ELOVL7: variants seen among roughly 807,000 people sequenced by gnomAD.
The protein encoded by ELOVL7 is very long chain fatty acid elongase 7.
ELOVL7 carries 27 observed loss-of-function variants against 35.7 expected under a neutral mutation model. That is an observed-to-expected ratio of 0.76 (90% confidence interval 0.56 to 1.04). The LOEUF (loss-of-function observed/expected upper bound fraction) is 1.04. ELOVL7 is among the 50% of genes least tolerant of loss of function. The pLI is 0.00. For missense variants in ELOVL7, 327 were observed against 340.8 expected (o/e 0.96, Z 0.32); for synonymous variants, 113 against 114.6 (o/e 0.99, Z 0.09).
At chr5:60,795,190 A>C (rs930741382) in intron 2 of ELOVL7, among the ~76,000 whole-genome samples, 6 of 152,146 alleles carry the variant, frequency 3.9e-5, no homozygotes, top group African/African-American at 1.4e-4. Context: ...GGGCAGTGGG[A>C]TCACAGCCCA....
At chr5:60,760,046 C>T (rs1741802181) in intron 7 of ELOVL7, among the ~76,000 whole-genome samples, 1 of 152,184 alleles carries the variant, frequency 6.6e-6, no homozygotes, top group African/African-American at 2.4e-5. Flanking sequence ...CATTGTTGGA[C>T]ATTTGGGTTG....
chr5:60,754,448 C>A lies in ELOVL7; in HGVS notation c.*176G>T. On this transcript the variant is annotated 3_prime_UTR_variant, in exon 9 of 9. Coordinates refer to ENST00000508821, the MANE Select transcript of ELOVL7 (RefSeq NM_024930.3). The stretch of plus-strand genomic sequence containing the variant: ...TCTGGCTGCTGTAGGCTCTAATTAT[C>A]AGAAGACTGTTATCTGGAAGCTTCG... The A allele has an allele frequency of 1.6e-6, 1 of 609,324 alleles. No homozygotes were observed. The highest frequency in any genetic ancestry group is 2.3e-5 in the South Asian group (1 of 44,020). 37.7% of individuals were successfully genotyped at this position (609,324 alleles called of 1,614,324 possible). A position where few individuals can be genotyped will look rare whatever the true frequency, so the allele number is the denominator to read the frequency against.
In ELOVL7 at chr5:60,842,887, C is replaced by T. The variant is rs148107740; in HGVS notation, c.-86+1273G>A. Among the ~76,000 whole-genome samples the T allele has an allele frequency of 7.4e-4, 106 of 143,054 alleles. 3 individuals are homozygous for T. The East Asian group carries it at 0.023, about 31-fold the overall frequency. 93.8% of individuals were successfully genotyped at this position (143,054 alleles called of 152,430 possible). On this transcript the variant is annotated intron_variant, in intron 1 of 8. Coordinates refer to ENST00000508821, the MANE Select transcript of ELOVL7 (RefSeq NM_024930.3). ...GACATCAGTGCCTGGCACCTAAGCA[C>T]TGATAAATGTCTGCCACGGGGTGAG...
At chr5:60,816,529 A>T (rs889232766) in intron 1 of ELOVL7, among the ~76,000 whole-genome samples, 1 of 152,230 alleles carries the variant, frequency 6.6e-6, no homozygotes, top group East Asian at 1.9e-4. Flanking sequence ...ATACCCCACC[A>T]CAACCCACAA....
At position 60,771,877 on chromosome 5, in the gene ELOVL7, C is replaced by G. The variant is rs182913510; in HGVS notation, c.255+26G>C. ...ACAGAAAAACTCAGGCAAAATTCTC[C>G]CATTAGGAATACTGAAGACACTTGC... On this transcript the variant is annotated intron_variant, in intron 4 of 8. Coordinates refer to ENST00000508821, the MANE Select transcript of ELOVL7 (RefSeq NM_024930.3). The G allele has an allele frequency of 6.5e-5, 98 of 1,498,700 alleles. 1 individual carries two copies. Among genetic ancestry groups the G allele is most frequent in the Non-Finnish European group, 8.7e-5 (96 of 1,104,924 alleles). 92.8% of individuals were successfully genotyped at this position (1,498,700 alleles called of 1,614,324 possible). A position where few individuals can be genotyped will look rare whatever the true frequency, so the allele number is the denominator to read the frequency against.
At chr5:60,786,864 CCAGGGAGGCGGAGGTTG>C (rs556212854) in intron 3 of ELOVL7, among the ~76,000 whole-genome samples, 23 of 151,614 alleles carry the variant, frequency 1.5e-4, no homozygotes, top group South Asian at 6.3e-4. Context: ...ATGGCGTGAA[CCAGGGAGGCGGAGGTTG>C]CAGGGAGGCG....
intron 1 of ELOVL7, among the ~76,000 whole-genome samples, chr5:60,814,051 C>G (rs1561462132): frequency 1.3e-5 from 2 of 152,154 alleles, no homozygotes; most frequent in African/African-American, 4.8e-5. Context: ...AAGGTGGCAA[C>G]AAGAACGAAC....
At chr5:60,788,578 C>T (rs1468565193) in intron 2 of ELOVL7, among the ~76,000 whole-genome samples, 3 of 152,050 alleles carry the variant, frequency 2.0e-5, no homozygotes, top group Non-Finnish European at 4.4e-5. Flanking sequence ...AGTTGGAGAC[C>T]AGCCTGACCA....
intron 3 of ELOVL7, among the ~76,000 whole-genome samples, chr5:60,781,432 T>C (rs1743248322): frequency 6.6e-6 from 1 of 152,080 alleles, no homozygotes; most frequent in Admixed American, 6.5e-5. Flanking sequence ...ATATATTTTA[T>C]TTTATTCTTT....
chr5:60,768,102 C>CAT (rs1579786951), intron 4 of ELOVL7, among the ~76,000 whole-genome samples, 199 bp from the exon 5 acceptor site: 1 of 152,288 alleles, frequency 6.6e-6, no homozygotes, highest in East Asian at 1.9e-4. Context: ...ACCACAAACT[C>CAT]ATATATTATT....
intron 7 of ELOVL7, among the ~76,000 whole-genome samples, chr5:60,762,991 A>G (rs1742017797): frequency 6.6e-6 from 1 of 152,240 alleles, no homozygotes; most frequent in Admixed American, 6.5e-5. Flanking sequence ...GGAAATAGAA[A>G]CACAGAAAGT....
At chr5:60,825,888 A>G (rs767897274) in intron 1 of ELOVL7, among the ~76,000 whole-genome samples, 1 of 152,256 alleles carries the variant, frequency 6.6e-6, no homozygotes, top group Non-Finnish European at 1.5e-5. Flanking sequence ...GGGAATCCAT[A>G]GCCTTAAATA....
At chr5:60,835,936 T>C (rs896380713) in intron 1 of ELOVL7, among the ~76,000 whole-genome samples, 2 of 151,914 alleles carry the variant, frequency 1.3e-5, no homozygotes, top group African/African-American at 4.8e-5. Context: ...AACCCAGCAG[T>C]TGGAGAAGGA....
At chr5:60,814,970 T>TAG (rs1468004863) in intron 1 of ELOVL7, among the ~76,000 whole-genome samples, 6 of 152,198 alleles carry the variant, frequency 3.9e-5, no homozygotes, top group African/African-American at 1.4e-4. Context: ...TCACATGAAC[T>TAG]ACATTGCAGC....
At chr5:60,826,964 A>G (rs1213446740) in intron 1 of ELOVL7, among the ~76,000 whole-genome samples, 1 of 152,188 alleles carries the variant, frequency 6.6e-6, no homozygotes, top group Admixed American at 6.5e-5. Flanking sequence ...GACTAAAATG[A>G]TTGTTATTAA....
intron 1 of ELOVL7, among the ~76,000 whole-genome samples, chr5:60,810,545 T>C (rs1745184136): frequency 6.6e-6 from 1 of 152,212 alleles, no homozygotes; most frequent in African/African-American, 2.4e-5. Flanking sequence ...AATCAATTAC[T>C]AAATTATACA....
At chr5:60,764,572 C>T (rs1453250161) in intron 6 of ELOVL7, among the ~76,000 whole-genome samples, 1 of 151,870 alleles carries the variant, frequency 6.6e-6, no homozygotes, top group Non-Finnish European at 1.5e-5. Context: ...CAAAAAGAAA[C>T]TTTATGTAGA....
At chr5:60,837,911 G>A (rs930201014) in intron 1 of ELOVL7, among the ~76,000 whole-genome samples, 4 of 152,128 alleles carry the variant, frequency 2.6e-5, no homozygotes, top group Non-Finnish European at 5.9e-5. Context: ...ACTCCAGCCT[G>A]GGCAACAAGA....
intron 5 of ELOVL7, among the ~76,000 whole-genome samples, chr5:60,767,389 T>A (rs1742307958): frequency 6.6e-6 from 1 of 152,204 alleles, no homozygotes; most frequent in Admixed American, 6.5e-5. Flanking sequence ...CCACTGCACC[T>A]GGCCTTGTTT....
Sources: gnomAD v4.1 joint callset for allele counts (sites outside exome capture counted in the v4.1 genomes callset) on GRCh38, gnomAD v4.1.1 for gene constraint, MANE v1.5 for transcripts, NCBI Gene and HGNC (gene_info 2026-07-23, HGNC 2026-07-21) for gene names.